The following PLCB4 variants were observed in gnomAD, a reference collection of about 807,000 sequenced individuals.
PLCB4 encodes 1-phosphatidylinositol 4,5-bisphosphate phosphodiesterase beta-4.
A neutral mutation model predicts 178.8 loss-of-function variants in PLCB4; 77 were observed. That is an observed-to-expected ratio of 0.43 (90% CI 0.36 to 0.52). The LOEUF (loss-of-function observed/expected upper bound fraction) is 0.52, where lower values mean the gene tolerates loss of function less well. Ranked by LOEUF, PLCB4 falls within the 20% of genes least tolerant of loss-of-function variation. PLCB4 has a pLI of 0.00. For synonymous variants in PLCB4, 496 were observed against 490.8 expected (o/e 1.01, Z -0.14); for missense variants, 1,024 against 1,453.4 (o/e 0.70, Z 4.80).
chr20:9,268,354 C>T (rs990752999), intron 3 of PLCB4, among the ~76,000 whole-genome samples: 1 of 152,108 alleles, frequency 6.6e-6, no homozygotes, highest in African/African-American at 2.4e-5. Context: ...TTTCATATTT[C>T]AGTCATTGAC....
At chr20:9,165,327 C>T (rs570854139) in intron 2 of PLCB4, among the ~76,000 whole-genome samples, 44 of 152,150 alleles carry the variant, frequency 2.9e-4, no homozygotes, top group Non-Finnish European at 4.0e-4. Flanking sequence ...AGTGTGAAAT[C>T]TAGTACTGAT....
intron 2 of PLCB4, among the ~76,000 whole-genome samples, chr20:9,123,921 G>C (rs902007142): frequency 1.3e-5 from 2 of 152,030 alleles, no homozygotes; most frequent in Non-Finnish European, 2.9e-5. Flanking sequence ...CGTTTGTTGT[G>C]ATTATTCAGT....
chr20:9,398,681 T>C (rs2038793509), intron 19 of PLCB4, among the ~76,000 whole-genome samples: 1 of 145,698 alleles, frequency 6.9e-6, no homozygotes, highest in Non-Finnish European at 1.5e-5. Flanking sequence ...TACAGCCTGA[T>C]GAAATGGGTA....
intron 3 of PLCB4, among the ~76,000 whole-genome samples, chr20:9,223,738 C>T (rs1031018933): frequency 2.0e-5 from 3 of 152,216 alleles, no homozygotes; most frequent in Admixed American, 6.5e-5. Context: ...TGCATGGTCA[C>T]GTCTATCACA....
At chr20:9,079,321 A>G (rs1366274782) in intron 1 of PLCB4, among the ~76,000 whole-genome samples, 2 of 152,078 alleles carry the variant, frequency 1.3e-5, no homozygotes. Flanking sequence ...TGTAGGGAAT[A>G]CAATCAGGGT....
At chr20:9,189,890 T>C (rs1229082865) in intron 2 of PLCB4, among the ~76,000 whole-genome samples, 1 of 152,146 alleles carries the variant, frequency 6.6e-6, no homozygotes, top group Non-Finnish European at 1.5e-5. Context: ...GCCCCACTTC[T>C]TAATACTGTT....
intron 7 of PLCB4, among the ~76,000 whole-genome samples, chr20:9,355,918 G>A (rs1316380324): frequency 6.6e-6 from 1 of 152,210 alleles, no homozygotes; most frequent in Admixed American, 6.5e-5. Flanking sequence ...CACCAACAGT[G>A]CAAAAGTGTT....
At chr20:9,173,030 C>T (rs1321210893) in intron 2 of PLCB4, among the ~76,000 whole-genome samples, 1 of 152,158 alleles carries the variant, frequency 6.6e-6, no homozygotes, top group Non-Finnish European at 1.5e-5. Flanking sequence ...TTTCCAAAGA[C>T]TTGGGAACAG....
chr20:9,175,302 T>G (rs1283122235), intron 2 of PLCB4, among the ~76,000 whole-genome samples: 1 of 152,120 alleles, frequency 6.6e-6, no homozygotes, highest in Non-Finnish European at 1.5e-5. Flanking sequence ...GGTGAACCCT[T>G]CTAGGTCTCA....
At chr20:9,333,027 C>T (rs942340032) in intron 4 of PLCB4, among the ~76,000 whole-genome samples, 7 of 152,216 alleles carry the variant, frequency 4.6e-5, no homozygotes, top group African/African-American at 1.4e-4. Flanking sequence ...AATTGCACTT[C>T]TATCCTTGGC....
intron 2 of PLCB4, among the ~76,000 whole-genome samples, chr20:9,197,212 G>C (rs1364229323): frequency 2.6e-5 from 4 of 152,148 alleles, no homozygotes; most frequent in Admixed American, 6.5e-5. Context: ...TCACCTGGTT[G>C]TAACAGAGAG....
At chr20:9,452,217 T>G (rs575590976) in intron 32 of PLCB4, among the ~76,000 whole-genome samples, 5 of 152,332 alleles carry the variant, frequency 3.3e-5, no homozygotes, top group South Asian at 4.1e-4. Flanking sequence ...ATTAAGGAAG[T>G]CTTGGTAAAG....
chr20:9,423,500 C>G (rs562782068), intron 27 of PLCB4, among the ~76,000 whole-genome samples: 1 of 152,316 alleles, frequency 6.6e-6, no homozygotes, highest in East Asian at 1.9e-4. Context: ...AAGTGGTAAT[C>G]TTTAACATTC....
intron 4 of PLCB4, among the ~76,000 whole-genome samples, chr20:9,330,269 C>T (rs112973273): frequency 2.0e-5 from 3 of 152,280 alleles, no homozygotes; most frequent in East Asian, 1.9e-4. Flanking sequence ...GTGGTAGTCA[C>T]GCATAATGTG....
intron 2 of PLCB4, among the ~76,000 whole-genome samples, chr20:9,152,956 G>A (rs1441018451): frequency 5.3e-5 from 8 of 152,190 alleles, no homozygotes; most frequent in African/African-American, 1.2e-4. Context: ...TGGAGTCAAA[G>A]GAGATCATTT....
intron 8 of PLCB4, among the ~76,000 whole-genome samples, chr20:9,363,984 C>G (rs1317000922): frequency 1.3e-5 from 2 of 152,248 alleles, no homozygotes; most frequent in African/African-American, 4.8e-5. Flanking sequence ...AATTCTTACA[C>G]TTGTGCCTCA....
intron 3 of PLCB4, among the ~76,000 whole-genome samples, chr20:9,288,640 T>A (rs146455555): frequency 6.6e-6 from 1 of 151,842 alleles, no homozygotes; most frequent in African/African-American, 2.4e-5. Context: ...AGGATTGCCC[T>A]GGGAGGGAGA....
chr20:9,253,643 T>C (rs1385464439), intron 3 of PLCB4, among the ~76,000 whole-genome samples: 1 of 152,200 alleles, frequency 6.6e-6, no homozygotes, highest in Non-Finnish European at 1.5e-5. Context: ...GCCTCTTTGT[T>C]GATGATAAGC....
intron 2 of PLCB4, among the ~76,000 whole-genome samples, chr20:9,213,913 C>G (rs1192149390): frequency 6.6e-6 from 1 of 152,118 alleles, no homozygotes; most frequent in Non-Finnish European, 1.5e-5. Context: ...GGTTAAGTAT[C>G]TTTTCATGGT....
Sources: allele counts gnomAD v4.1 joint callset (sites outside exome capture counted in the v4.1 genomes callset), GRCh38; gene constraint gnomAD v4.1.1; transcripts MANE v1.5; gene names NCBI Gene and HGNC (gene_info 2026-07-23, HGNC 2026-07-21).